CLEC20A: variants seen among roughly 807,000 people sequenced by gnomAD.
CLEC20A encodes the protein putative C-type lectin domain family 20 member A.
intron 3 of CLEC20A, among the ~76,000 whole-genome samples, chr1:178,491,466 T>G (rs1649265225): frequency 6.6e-6 from 1 of 152,174 alleles, no homozygotes; most frequent in Admixed American, 6.5e-5. Context: ...TACTCTTGAT[T>G]AAACCCCTAG....
At chr1:178,491,272 T>G (rs1358116335) in intron 3 of CLEC20A, among the ~76,000 whole-genome samples, 1 of 152,200 alleles carries the variant, frequency 6.6e-6, no homozygotes, top group African/African-American at 2.4e-5. Flanking sequence ...TGGCTGGGAC[T>G]TGACCTGAGG....
chr1:178,485,309 G>A (rs1289080823), intron 5 of CLEC20A, among the ~76,000 whole-genome samples: 4 of 152,108 alleles, frequency 2.6e-5, no homozygotes, highest in Admixed American at 2.6e-4. Flanking sequence ...TTGGCTGGGG[G>A]ATCAAGTCCT....
upstream of CLEC20A, among the ~76,000 whole-genome samples, chr1:178,498,520 G>A (rs1220545504): frequency 1.3e-5 from 2 of 152,174 alleles, no homozygotes; most frequent in Non-Finnish European, 1.5e-5. Flanking sequence ...AGCATGGGAG[G>A]TTAAGGCTGC....
chr1:178,490,151 A>G (rs1649237676), exon 4 of CLEC20A: 1 of 398,576 alleles, frequency 2.5e-6, no homozygotes, highest in South Asian at 1.3e-4. Context: ...AGATGCCAAG[A>G]GCTGTGCACA....
At chr1:178,494,645 A>G in exon 2 of CLEC20A, 1 of 399,508 alleles carries the variant, frequency 2.5e-6, no homozygotes, top group African/African-American at 2.1e-5. Context: ...GAAGAGGCCA[A>G]TCCAAGCCGG....
In CLEC20A at chr1:178,496,729, C is replaced by T. The variant is rs765079403; in HGVS notation, c.40+171G>A. The T allele has an allele frequency of 3.3e-5, 13 of 397,368 alleles. 1 individual carries two copies. Among genetic ancestry groups the T allele is most frequent in the Middle Eastern group, 6.2e-4 (1 of 1,608 alleles). 24.6% of individuals were successfully genotyped at this position (397,368 alleles called of 1,614,324 possible). ...ACTGTCTGGTTAGGGGCGATGAGGG[C>T]GAAGCTCCCTTCCCAACCCTGTTCT... On this transcript the variant is annotated intron_variant, in intron 1 of 7. Transcript: ENST00000623247.
exon 4 of CLEC20A, chr1:178,490,413 G>T (rs972422139): frequency 3.8e-5 from 15 of 398,574 alleles, no homozygotes; most frequent in South Asian, 1.3e-4. Context: ...TCGCATGAAG[G>T]TCTGACCACT....
At chr1:178,486,534 G>C in intron 5 of CLEC20A, 1 of 398,760 alleles carries the variant, frequency 2.5e-6, no homozygotes, top group East Asian at 3.6e-5. Context: ...TCACGGCTGG[G>C]CTCCCTAAGC....
At chr1:178,487,796 T>G (rs1376727780) in intron 5 of CLEC20A, among the ~76,000 whole-genome samples, 1 of 152,178 alleles carries the variant, frequency 6.6e-6, no homozygotes, top group Non-Finnish European at 1.5e-5. Flanking sequence ...CTTGATCAAG[T>G]GCCCTCACTT....
At chr1:178,492,038 C>G (rs146013735) in intron 3 of CLEC20A, among the ~76,000 whole-genome samples, 1 of 152,132 alleles carries the variant, frequency 6.6e-6, no homozygotes, top group East Asian at 1.9e-4. Context: ...AATCCCAGCA[C>G]TTTGGGAGGC....
chr1:178,483,231 G>A (rs926336699), exon 6 of CLEC20A: 21 of 398,468 alleles, frequency 5.3e-5, no homozygotes, highest in African/African-American at 1.2e-4. Context: ...TTGGGCCTCC[G>A]TGGCAGCAGC....
At chr1:178,491,921 C>G (rs1339059017) in intron 3 of CLEC20A, among the ~76,000 whole-genome samples, 1 of 152,138 alleles carries the variant, frequency 6.6e-6, no homozygotes, top group Non-Finnish European at 1.5e-5. Flanking sequence ...AAGGGCCCAT[C>G]CACTGTCTGA....
At chr1:178,496,664 G>A (rs897005402) in intron 1 of CLEC20A, 19 of 394,920 alleles carry the variant, frequency 4.8e-5, no homozygotes, top group East Asian at 1.8e-4. Context: ...TGCTGGAGCC[G>A]CACTGTTTCT....
chr1:178,480,336 A>G (rs2102993533), intron 7 of CLEC20A: 1 of 152,350 alleles, frequency 6.6e-6, no homozygotes, highest in Middle Eastern at 3.4e-3. Context: ...AAAGCTGACC[A>G]GAAGATGGAA....
intron 5 of CLEC20A, among the ~76,000 whole-genome samples, chr1:178,486,050 A>G (rs1465011010): frequency 6.6e-6 from 1 of 152,230 alleles, no homozygotes; most frequent in African/African-American, 2.4e-5. Context: ...GGAAACTTGC[A>G]TAAGGCCACA....
intron 5 of CLEC20A, among the ~76,000 whole-genome samples, chr1:178,485,808 C>T (rs1446981633): frequency 6.6e-6 from 1 of 152,154 alleles, no homozygotes; most frequent in Non-Finnish European, 1.5e-5. Flanking sequence ...TACAGAACAG[C>T]CCCTGCCCTG....
At chr1:178,479,903 TAAA>T (rs74263840) in intron 7 of CLEC20A, 6 of 130,926 alleles carry the variant, frequency 4.6e-5, no homozygotes, top group Non-Finnish European at 6.2e-5. Context: ...GAGAGTTGTT[TAAA>T]AAAAAAAAAA....
chr1:178,496,959 G>A (rs750935572), upstream of CLEC20A: 14 of 399,972 alleles, frequency 3.5e-5, no homozygotes, highest in East Asian at 7.1e-5. Flanking sequence ...CTGGCTGGGC[G>A]ATGGCTGGGT....
At position 178,492,516 on chromosome 1, in the gene CLEC20A, T is replaced by A. The variant is rs1298322174; in HGVS notation, c.448A>T (p.Thr150Ser). ...AGGTATGTACCTGGCTTTGGAGAGG[T>A]GGTCAGGCTGAGAGAGGGCTTCGTG... The change falls in exon 3 of 8, where the codon ACC becomes TCC. Residue 150 changes from threonine to serine, a missense_variant. Coordinates refer to ENST00000623247, the Ensembl canonical transcript of CLEC20A. 37 of 397,698 alleles carry A rather than the reference T, an allele frequency of 9.3e-5. No individual in the cohort carries two copies. In the Admixed American group the frequency reaches 1.6e-3, roughly 17 times the overall value. 24.6% of individuals were successfully genotyped at this position (397,698 alleles called of 1,614,324 possible).
Sources: allele counts gnomAD v4.1 joint callset (sites outside exome capture counted in the v4.1 genomes callset), GRCh38; gene constraint gnomAD v4.1.1; transcripts MANE v1.5; gene names NCBI Gene and HGNC (gene_info 2026-07-23, HGNC 2026-07-21).